The following AHNAK2 variants were observed in gnomAD, a reference collection of about 807,000 sequenced individuals.
AHNAK2 encodes the protein protein AHNAK2.
In AHNAK2, 18 loss-of-function variants were observed where a neutral mutation model predicts 30.7. The observed-to-expected ratio is 0.59, with a 90% CI of 0.41 to 0.87. The LOEUF (loss-of-function observed/expected upper bound fraction) is 0.87, where lower values mean the gene tolerates loss of function less well. AHNAK2 is among the 40% of genes least tolerant of loss of function. The pLI is 0.00. For synonymous variants in AHNAK2, 3,590 were observed against 3,073.8 expected (o/e 1.17, Z -5.56); for missense variants, 8,604 against 7,373.0 (o/e 1.17, Z -6.11).
intron 4 of AHNAK2, 83 bp from the exon 5 acceptor site, chr14:104,955,716 G>T: frequency 6.6e-7 from 1 of 1,515,762 alleles, no homozygotes; most frequent in Admixed American, 1.9e-5. Context: ...TGTCTCCAGA[G>T]GATGGGCACC....
chr14:104,941,975 C>T lies in AHNAK2; in HGVS notation c.13476G>A (p.Lys4492=). Residue 4492 remains lysine (K), a synonymous_variant, in exon 7 of 7, where the codon AAG becomes AAA. Transcript: ENST00000333244. ...IEVSVDVSAP[K]MEADMSIPSM... is the part of the protein sequence containing the mutation. ...AGGGAATGCTCATGTCGGCCTCCATCTTTGGCGCAGACACATCCACCGAGA... is the reference window on the plus strand; with the variant it reads ...AGGGAATGCTCATGTCGGCCTCCATTTTTGGCGCAGACACATCCACCGAGA... 2 of 1,612,968 alleles carry T rather than the reference C, an allele frequency of 1.2e-6. No individual in the cohort carries two copies. The highest frequency in any genetic ancestry group is 2.2e-5 in the South Asian group (2 of 90,992).
In AHNAK2 at chr14:104,949,583, C is replaced by T; in HGVS notation, c.5868G>A (p.Val1956=). 1 of 1,589,016 alleles carries T rather than the reference C, an allele frequency of 6.3e-7. No homozygotes were observed. Among genetic ancestry groups the T allele is most frequent in the Non-Finnish European group, 8.6e-7 (1 of 1,163,432 alleles). The part of the protein sequence containing the change: ...DVEVSLPSME[V]DVQAQKAKLD... ...GCTTAGCCTTCTGGGCCTGGACATC[C>T]ACCTCCATGCTGGGCAGAGACACCT... Residue 1956 remains valine, a synonymous_variant, in exon 7 of 7, where the codon GTG becomes GTA. Transcript: ENST00000333244.
intron 1 of AHNAK2, among the ~76,000 whole-genome samples, chr14:104,972,937 T>TA: frequency 6.6e-6 from 1 of 152,260 alleles, no homozygotes; most frequent in Non-Finnish European, 1.5e-5. Flanking sequence ...GGGGGCCACT[T>TA]ACTGGGAAGG....
intron 1 of AHNAK2, among the ~76,000 whole-genome samples, chr14:104,960,842 A>G (rs1048107390): frequency 6.6e-6 from 1 of 152,218 alleles, no homozygotes; most frequent in Non-Finnish European, 1.5e-5. Flanking sequence ...ACTGTATAAA[A>G]CAAAAATAAG....
rs777980377 is a variant in AHNAK2, at chr14:104,953,749, C to T, written c.1702G>A (p.Glu568Lys). Residue 568 changes from glutamate to lysine, a missense_variant, in exon 7 of 7, where the codon GAA becomes AAA. Physicochemically the swap from Glu to Lys is moderately conservative, Grantham distance 56. Transcript: ENST00000333244. ...EGLQRTRITE[E>K]QDKGREDTEG... ...GTGTCTTCCCTGCCCTTGTCCTGTTCCTCAGTGATCCTTGTCCTCTGTAGT... is the reference window on the plus strand; with the variant it reads ...GTGTCTTCCCTGCCCTTGTCCTGTTTCTCAGTGATCCTTGTCCTCTGTAGT... 5.6e-6 allele frequency: 9 copies of T among 1,613,800 alleles called. No individual in the cohort carries two copies. The Admixed American group carries it at 1.5e-4, about 27-fold the overall frequency.
rs1445130985 is a variant in AHNAK2 at position 104,942,824 on chromosome 14, T to A, written c.12627A>T (p.Gly4209=). The change falls in exon 7 of 7, where the codon GGA becomes GGT. Residue 4209 remains glycine, a synonymous_variant. Coordinates refer to ENST00000333244, the MANE Select transcript of AHNAK2 (RefSeq NM_138420.4). The stretch of plus-strand genomic sequence containing the variant: ...TGGGGAGGTGCCCTTTGAGGCCGGC[T>A]CCCTTGGGCAGGGGGCCCTCCGGGA... The part of the protein sequence containing the change: ...VKLPEGPLPK[G]AGLKGHLPKV... 3 of 1,612,488 alleles carry A rather than the reference T, an allele frequency of 1.9e-6. No homozygotes were observed. The highest frequency in any genetic ancestry group is 1.7e-5 in the Admixed American group (1 of 59,908).
intron 1 of AHNAK2, among the ~76,000 whole-genome samples, chr14:104,961,365 A>T (rs1394002479): frequency 5.9e-5 from 9 of 151,878 alleles, no homozygotes; most frequent in Non-Finnish European, 1.0e-4. Context: ...ATACAAAAAA[A>T]TAGCCGGGCG....
chr14:104,950,961 T>G lies in AHNAK2; in HGVS notation c.4490A>C (p.Lys1497Thr), dbSNP rs777962260. 6.8e-6 allele frequency: 10 copies of G among 1,467,084 alleles called. 2 individuals are homozygous for G. In the African/African-American group the frequency reaches 1.1e-4, roughly 17 times the overall value. 90.9% of individuals were successfully genotyped at this position (1,467,084 alleles called of 1,614,324 possible). ...TTKDSKFKMP[K>T]FKMPSFGVSA... ...CACCCCGAACGACGGCATCTTGAAC[T>G]TGGGCATTTTGAACTTGCTGTCTTT... The change falls in exon 7 of 7, where the codon AAG (lysine) becomes ACG (threonine). Residue 1497 changes from lysine (K) to threonine (T), a missense_variant. Transcript: ENST00000333244.
Position 104,946,774 on chromosome 14 carries a change from T to C in AHNAK2, c.8677A>G (p.Lys2893Glu). ...EGHVPEGAGLKGHLPKVQMPS... is the reference protein window; with the variant it reads ...EGHVPEGAGLEGHLPKVQMPS... ...ATCTGCACCTTGGGCAGGTGCCCTT[T>C]GAGGCCGGCTCCCTCGGGAACGTGG... Residue 2893 changes from lysine (K) to glutamate (E), a missense_variant, in exon 7 of 7, where the codon AAA becomes GAA. Transcript: ENST00000333244. 6.2e-7 allele frequency: 1 copy of C among 1,612,746 alleles called. No individual in the cohort carries two copies. Among genetic ancestry groups the C allele is most frequent in the Non-Finnish European group, 8.5e-7 (1 of 1,179,612 alleles).
At position 104,949,350 on chromosome 14, in the gene AHNAK2, G is replaced by A. The variant is rs1157085523; in HGVS notation, c.6101C>T (p.Thr2034Ile). 8 of 1,566,068 alleles carry A rather than the reference G, an allele frequency of 5.1e-6. No individual in the cohort carries two copies. The African/African-American group carries it at 1.1e-4, about 22-fold the overall frequency. Residue 2034 changes from threonine to isoleucine, a missense_variant, in exon 7 of 7, where the codon ACT becomes ATT. By Grantham distance (89) the Thr-to-Ile change is moderately conservative (BLOSUM62 -1). Coordinates refer to ENST00000333244, the MANE Select transcript of AHNAK2 (RefSeq NM_138420.4). The part of the protein sequence containing the change: ...LPSMQGDLKT[T>I]DLSIQPPSAD... ...AGAAGGGGGCTGAATGCTGAGGTCA[G>A]TGGTCTTCAGGTCCCCCTGCATGGA...
chr14:104,950,107 C>G lies in AHNAK2; in HGVS notation c.5344G>C (p.Val1782Leu), dbSNP rs200164919. The change falls in exon 7 of 7, where the codon GTG becomes CTG. Residue 1782 changes from valine (V) to leucine (L), a missense_variant. Coordinates refer to ENST00000333244, the MANE Select transcript of AHNAK2 (RefSeq NM_138420.4). Reference protein sequence around the residue: ...GPKAEVMAPDVEVSLPSVEVD... With the variant: ...GPKAEVMAPDLEVSLPSVEVD... ...TCCACGCTGGGCAGAGACACCTCCA[C>G]GTCGGGGGCCATCACCTCCGCCTTG... The G allele has an allele frequency of 8.8e-6, 14 of 1,587,066 alleles. 3 individuals are homozygous for G. Among genetic ancestry groups the G allele is most frequent in the Admixed American group, 5.2e-5 (3 of 57,540 alleles).
At position 104,953,518 on chromosome 14, in the gene AHNAK2, T is replaced by C; in HGVS notation, c.1933A>G (p.Thr645Ala). 2.5e-6 allele frequency: 4 copies of C among 1,613,976 alleles called. No individual in the cohort carries two copies. Among genetic ancestry groups the C allele is most frequent in the East Asian group, 2.2e-5 (1 of 44,886 alleles). ...TCGTGTATTAGTTGTATTTTTGTTG[T>C]GTTTGTCATTGAGTCACTGTCTTCT... ...DKEDSDSMTN[T>A]TKIQLIHDEK... Residue 645 changes from threonine to alanine, a missense_variant, in exon 7 of 7, where the codon ACA becomes GCA. Coordinates refer to ENST00000333244, the MANE Select transcript of AHNAK2 (RefSeq NM_138420.4).
chr14:104,945,918 C>T lies in AHNAK2; in HGVS notation c.9533G>A (p.Ser3178Asn), dbSNP rs1898242031. 1 of 1,248,394 alleles carries T rather than the reference C, an allele frequency of 8.0e-7. No individual in the cohort carries two copies. 77.3% of individuals were successfully genotyped at this position (1,248,394 alleles called of 1,614,324 possible). A position where few individuals can be genotyped will look rare whatever the true frequency, so the allele number is the denominator to read the frequency against. The change falls in exon 7 of 7, where the codon AGC becomes AAC. Residue 3178 changes from serine to asparagine, a missense_variant. Physicochemically the swap from Ser to Asn is conservative, Grantham distance 46. Coordinates refer to ENST00000333244, the MANE Select transcript of AHNAK2 (RefSeq NM_138420.4). ...VSAPKVEADLSLPSMQGDLKN... is the reference protein window; with the variant it reads ...VSAPKVEADLNLPSMQGDLKN... ...CAGGTCCCCCTGCATGGAGGGGAGG[C>T]TCAGGTCGGCCTCCACCTTTGGCGC...
Position 104,945,326 on chromosome 14 carries a change from C to A in AHNAK2, c.10125G>T (p.Lys3375Asn). Reference sequence around the variant, plus strand: ...CCTCGGGCACGTGGCCCTCCGGGAGCTTCACGTCCACCTGGCCAGCCTGGA... The same window carrying A: ...CCTCGGGCACGTGGCCCTCCGGGAGATTCACGTCCACCTGGCCAGCCTGGA... ...LEVQAGQVDV[K>N]LPEGHVPEGA... The change falls in exon 7 of 7, where the codon AAG becomes AAT. Residue 3375 changes from lysine (K) to asparagine (N), a missense_variant. Coordinates refer to ENST00000333244, the MANE Select transcript of AHNAK2 (RefSeq NM_138420.4). The A allele has an allele frequency of 1.2e-6, 2 of 1,612,450 alleles. No individual in the cohort carries two copies. Among genetic ancestry groups the A allele is most frequent in the Non-Finnish European group, 1.7e-6 (2 of 1,179,430 alleles).
chr14:104,949,432 T>C lies in AHNAK2; in HGVS notation c.6019A>G (p.Ile2007Val), dbSNP rs1398980837. 3.2e-6 allele frequency: 5 copies of C among 1,587,288 alleles called. No individual in the cohort carries two copies. Among genetic ancestry groups the C allele is most frequent in the South Asian group, 2.2e-5 (2 of 89,836 alleles). The change falls in exon 7 of 7, where the codon ATC (isoleucine) becomes GTC (valine). Residue 2007 changes from isoleucine (I) to valine (V), a missense_variant. Coordinates refer to ENST00000333244, the MANE Select transcript of AHNAK2 (RefSeq NM_138420.4). ...SFGVSAPGRS[I>V]EASVDVPAPK... is the part of the protein sequence containing the mutation. ...GCAGGCACATCCACCGAGGCCTCGA[T>C]GGACCTCCCTGGGGCCGATACCCCG...
rs1198960045 is a variant in AHNAK2, at chr14:104,941,782, G to A, written c.13669C>T (p.Pro4557Ser). The A allele has an allele frequency of 2.5e-6, 4 of 1,613,598 alleles. No individual in the cohort carries two copies. The highest frequency in any genetic ancestry group is 1.6e-4 in the Middle Eastern group (1 of 6,078). Residue 4557 changes from proline (P) to serine (S), a missense_variant, in exon 7 of 7, where the codon CCC (proline) becomes TCC (serine). Coordinates refer to ENST00000333244, the MANE Select transcript of AHNAK2 (RefSeq NM_138420.4). The stretch of plus-strand genomic sequence containing the variant: ...TGGGGGCCCTTGAGGTCCACTTTGG[G>A]CATCTTGAAACTGGGCATCTCCACC... The part of the protein sequence containing the change: ...PKVEMPSFKM[P>S]KVDLKGPQVD...
At position 104,946,463 on chromosome 14, in the gene AHNAK2, G is replaced by A. The variant is rs760378115; in HGVS notation, c.8988C>T (p.Ser2996=). ...CAGACACATCCACCGAGACCTCAAT[G>A]GACTTGCCTGGGGCAGACACCCCGA... ...PSFGVSAPGK[S]IEVSVDVSAP... is the part of the protein sequence containing the mutation. Residue 2996 remains serine (S), a synonymous_variant, in exon 7 of 7, where the codon TCC becomes TCT. Transcript: ENST00000333244. 8 of 1,612,606 alleles carry A rather than the reference G, an allele frequency of 5.0e-6. No individual in the cohort carries two copies. In the East Asian group the frequency reaches 1.3e-4, roughly 27 times the overall value.
Position 104,940,507 on chromosome 14 carries a change from C to T in AHNAK2, c.14944G>A (p.Glu4982Lys), listed in dbSNP as rs1431407091. Residue 4982 changes from glutamate (E) to lysine (K), a missense_variant, in exon 7 of 7, where the codon GAG becomes AAG. Physicochemically the swap from Glu to Lys is moderately conservative, Grantham distance 56 (BLOSUM62 1). Coordinates refer to ENST00000333244, the MANE Select transcript of AHNAK2 (RefSeq NM_138420.4). This position sits in a 1 kb window ranked among gnomAD's most constrained non-coding sequence, Gnocchi z 4.4. ...GPKVDPECSV[E>K]DSKLSLVLDK... The stretch of plus-strand genomic sequence containing the variant: ...AAAACCAGGCTGAGTTTTGAGTCCT[C>T]CACGCTGCATTCTGGGTCCACCTTT... The T allele has an allele frequency of 6.2e-7, 1 of 1,613,752 alleles. No homozygotes were observed.
In AHNAK2 at chr14:104,950,852, C is replaced by T. The variant is rs569151117; in HGVS notation, c.4599G>A (p.Gln1533=). The stretch of plus-strand genomic sequence containing the variant: ...TCAGGTCAGTGGCCTTGAGGTCCCC[C>T]TGCATGGAGGGGAGGCTCACGTCGG... The part of the protein sequence containing the change: ...VEADVSLPSM[Q]GDLKATDLSI... The change falls in exon 7 of 7, where the codon CAG becomes CAA. Residue 1533 remains glutamine, a synonymous_variant. Transcript: ENST00000333244. 34 of 1,585,026 alleles carry T rather than the reference C, an allele frequency of 2.1e-5. 1 individual carries two copies. The East Asian group carries it at 5.6e-4, about 26-fold the overall frequency.
Sources: gnomAD v4.1 joint callset for allele counts (sites outside exome capture counted in the v4.1 genomes callset) on GRCh38, gnomAD v4.1.1 for gene constraint, Gnocchi (gnomAD v3.1) non-coding constraint, MANE v1.5 for transcripts, NCBI Gene and HGNC (gene_info 2026-07-23, HGNC 2026-07-21) for gene names.